EXOC4: variants seen among roughly 807,000 people sequenced by gnomAD.
The protein encoded by EXOC4 is exocyst complex component 4.
In EXOC4, 71 loss-of-function variants were observed where a neutral mutation model predicts 107.2. The ratio of observed to expected loss-of-function variants is 0.66; its 90% CI spans 0.55 to 0.81. The LOEUF (loss-of-function observed/expected upper bound fraction) is 0.81. Among genes scored for constraint, EXOC4 ranks in the 30% least tolerant of loss-of-function variants. The pLI is 0.00. For missense variants in EXOC4, 1,108 were observed against 1,189.6 expected (o/e 0.93, Z 1.01); for synonymous variants, 456 against 441.2 (o/e 1.03, Z -0.42).
intron 9 of EXOC4, among the ~76,000 whole-genome samples, chr7:133,495,340 T>C (rs1257543624): frequency 6.6e-6 from 1 of 152,170 alleles, no homozygotes; most frequent in Admixed American, 6.5e-5. Flanking sequence ...TTTTTAACCT[T>C]AGTTTATTTA....
chr7:133,792,859 A>G (rs1796733684), intron 10 of EXOC4, among the ~76,000 whole-genome samples: 1 of 152,160 alleles, frequency 6.6e-6, no homozygotes, highest in African/African-American at 2.4e-5. Flanking sequence ...GTACCAAATA[A>G]TAGAATAGTC....
chr7:133,961,340 G>C (rs556667017), intron 14 of EXOC4, among the ~76,000 whole-genome samples: 1 of 145,596 alleles, frequency 6.9e-6, no homozygotes, highest in Admixed American at 7.0e-5. Flanking sequence ...AGGCTGGAGC[G>C]CAGTGGCATG....
chr7:133,525,657 A>G (rs1188271661), intron 9 of EXOC4, among the ~76,000 whole-genome samples: 1 of 152,236 alleles, frequency 6.6e-6, no homozygotes, highest in African/African-American at 2.4e-5. Flanking sequence ...ACAATAAATA[A>G]GAAGATCTAG....
At chr7:133,571,874 T>C (rs1430642529) in intron 9 of EXOC4, among the ~76,000 whole-genome samples, 1 of 152,168 alleles carries the variant, frequency 6.6e-6, no homozygotes, top group Non-Finnish European at 1.5e-5. Context: ...TTTGTTTTTC[T>C]AAGTAACATA....
At chr7:133,423,798 C>T (rs1354221181) in intron 7 of EXOC4, among the ~76,000 whole-genome samples, 2 of 152,056 alleles carry the variant, frequency 1.3e-5, no homozygotes, top group Admixed American at 6.6e-5. Context: ...GTGGCCGGCA[C>T]GGGATCTGGG....
At chr7:133,343,628 T>G (rs1354917218) in intron 5 of EXOC4, among the ~76,000 whole-genome samples, 1 of 151,926 alleles carries the variant, frequency 6.6e-6, no homozygotes, top group Non-Finnish European at 1.5e-5. Context: ...ATCACTTTCT[T>G]CTCACTCGTT....
At chr7:133,885,273 T>C (rs7800371) in intron 11 of EXOC4, among the ~76,000 whole-genome samples, 21,010 of 149,658 alleles carry the variant, frequency 0.14, 1,665 homozygotes, top group African/African-American at 0.2. Context: ...AAGATCGCGC[T>C]GCTGCACTCC....
At chr7:133,312,263 T>G (rs893783510) in intron 4 of EXOC4, among the ~76,000 whole-genome samples, 1 of 152,100 alleles carries the variant, frequency 6.6e-6, no homozygotes, top group Non-Finnish European at 1.5e-5. Context: ...CATTTTTGGG[T>G]CCCAAAAGCA....
chr7:133,895,470 A>G (rs1414530808), intron 11 of EXOC4, 129 bp from the exon 12 acceptor site: 2 of 968,078 alleles, frequency 2.1e-6, no homozygotes, highest in Non-Finnish European at 3.1e-6. Context: ...TTGAGTTCAT[A>G]TTTCAAAATG....
chr7:133,434,450 A>C (rs1009780372), intron 7 of EXOC4, among the ~76,000 whole-genome samples: 2 of 151,988 alleles, frequency 1.3e-5, no homozygotes, highest in African/African-American at 2.4e-5. Flanking sequence ...CTTTGCTCTG[A>C]GCTCCCCCCT....
At chr7:133,635,974 G>A (rs1802697273) in intron 10 of EXOC4, among the ~76,000 whole-genome samples, 1 of 152,054 alleles carries the variant, frequency 6.6e-6, no homozygotes, top group African/African-American at 2.4e-5. Context: ...GTATTTAATC[G>A]TCCTTTTAGC....
intron 10 of EXOC4, among the ~76,000 whole-genome samples, chr7:133,802,951 G>A (rs796077080): frequency 1.3e-5 from 2 of 151,486 alleles, no homozygotes; most frequent in African/African-American, 4.8e-5. Flanking sequence ...ATGCATGTGG[G>A]AAATGACAGA....
intron 1 of EXOC4, among the ~76,000 whole-genome samples, chr7:133,256,722 G>A (rs1795027904): frequency 6.6e-6 from 1 of 151,886 alleles, no homozygotes. Context: ...TTTTTTCAAT[G>A]CTTTTCCTAA....
chr7:133,870,199 AAGGC>A (rs1798723086), intron 11 of EXOC4, among the ~76,000 whole-genome samples: 1 of 152,160 alleles, frequency 6.6e-6, no homozygotes, highest in African/African-American at 2.4e-5. Context: ...AATAAAGAAA[AAGGC>A]AGCAGGTTTT....
intron 10 of EXOC4, among the ~76,000 whole-genome samples, chr7:133,683,414 C>T (rs949029369): frequency 5.3e-5 from 8 of 152,198 alleles, no homozygotes; most frequent in African/African-American, 1.7e-4. Context: ...TATCTTGGGG[C>T]TCAGAATCTA....
chr7:133,457,260 G>A (rs1219515064), intron 7 of EXOC4, among the ~76,000 whole-genome samples: 6 of 152,166 alleles, frequency 3.9e-5, no homozygotes, highest in African/African-American at 1.4e-4. Flanking sequence ...GGCCCGTGGT[G>A]TATGTTGTGG....
intron 7 of EXOC4, among the ~76,000 whole-genome samples, chr7:133,434,856 A>G (rs564931334): frequency 1.2e-4 from 18 of 152,246 alleles, no homozygotes; most frequent in Admixed American, 9.8e-4. Context: ...TTCAATGGCT[A>G]TCTTTGTTCT....
chr7:134,020,438 C>G (rs1795002897), intron 17 of EXOC4, among the ~76,000 whole-genome samples: 1 of 152,170 alleles, frequency 6.6e-6, no homozygotes, highest in Admixed American at 6.5e-5. Context: ...ACTCTTATCT[C>G]CTACTGCAGG....
chr7:133,459,474 A>G (rs1482561780), intron 7 of EXOC4, among the ~76,000 whole-genome samples: 1 of 152,260 alleles, frequency 6.6e-6, no homozygotes, highest in African/African-American at 2.4e-5. Flanking sequence ...GAAATGATCC[A>G]GGTATACAAT....
Sources: gnomAD v4.1 joint callset for allele counts (sites outside exome capture counted in the v4.1 genomes callset) on GRCh38, gnomAD v4.1.1 for gene constraint, MANE v1.5 for transcripts, NCBI Gene and HGNC (gene_info 2026-07-23, HGNC 2026-07-21) for gene names.